APBA2: variants seen among roughly 807,000 people sequenced by gnomAD.
APBA2 encodes the protein amyloid-beta A4 precursor protein-binding family A member 2.
Under a neutral mutation model 75.0 loss-of-function variants are expected in APBA2, and 30 were observed. The ratio of observed to expected loss-of-function variants is 0.40; its 90% CI spans 0.30 to 0.54. The LOEUF (loss-of-function observed/expected upper bound fraction) is 0.54, where lower values mean the gene tolerates loss of function less well. APBA2 is among the 20% of genes least tolerant of loss of function. The pLI is 0.49. For synonymous variants in APBA2, 444 were observed against 409.6 expected, an observed-to-expected ratio of 1.08 and a Z score of -1.01; for missense variants, 801 against 1,016.1, an observed-to-expected ratio of 0.79 and a Z score of 2.88.
At chr15:28,997,808 C>T (rs191353227) in intron 3 of APBA2, among the ~76,000 whole-genome samples, 22 of 152,276 alleles carry the variant, frequency 1.4e-4, no homozygotes, top group Middle Eastern at 3.4e-3. Context: ...TACTATTAGA[C>T]GATCAAAATC....
chr15:29,079,324 C>T (rs771870038), intron 6 of APBA2, among the ~76,000 whole-genome samples: 2 of 152,088 alleles, frequency 1.3e-5, no homozygotes, highest in Non-Finnish European at 2.9e-5. Flanking sequence ...GCAGTGTGGA[C>T]TCCCATCAGA....
intron 4 of APBA2, among the ~76,000 whole-genome samples, chr15:29,072,481 T>A (rs2042667303): frequency 1.3e-5 from 2 of 152,168 alleles, no homozygotes; most frequent in Non-Finnish European, 2.9e-5. Flanking sequence ...TGCTTGGTGT[T>A]CCTTGGCCAT....
chr15:29,113,732 CTCTG>C lies in APBA2; in HGVS notation c.2038-138_2038-135del, dbSNP rs542246028. The C allele has an allele frequency of 9.1e-4, 929 of 1,018,566 alleles. 10 individuals are homozygous for C. The African/African-American group carries it at 0.013, about 14-fold the overall frequency. The allele number at this position is 1,018,566 out of a possible 1,614,324, so 63.1% of individuals were successfully genotyped here. ...GAAACATACTGCATATCATAAGGATCTCTGTCTGTGAGTCAGCGAATTGCACGTG... is the reference window on the plus strand; with the variant it reads ...GAAACATACTGCATATCATAAGGATCTCTGTGAGTCAGCGAATTGCACGTG... On this transcript the variant is annotated intron_variant, in intron 13 of 14. Transcript: ENST00000683413.
intron 3 of APBA2, among the ~76,000 whole-genome samples, chr15:29,017,019 GA>G (rs2039695450): frequency 6.6e-6 from 1 of 152,176 alleles, no homozygotes; most frequent in Admixed American, 6.5e-5. Context: ...AGACAATAAT[GA>G]TGACAGGCAG....
chr15:29,054,238 G>A lies in APBA2; in HGVS notation c.354G>A (p.Gly118=), dbSNP rs775876729. The A allele has an allele frequency of 6.8e-6, 11 of 1,614,044 alleles. No homozygotes were observed. The Admixed American group carries it at 1.0e-4, about 15-fold the overall frequency. ...DSYLEGMDCN[G]EEYLAHSAHP... is the part of the protein sequence containing the mutation. The stretch of plus-strand genomic sequence containing the variant: ...ACCTAGAGGGCATGGACTGCAACGG[G>A]GAGGAGTACCTGGCCCACAGTGCAC... Residue 118 remains glycine (G), a synonymous_variant, in exon 4 of 15, where the codon GGG becomes GGA. Coordinates refer to ENST00000683413, the MANE Select transcript of APBA2 (RefSeq NM_001353788.2). This position sits in a 1 kb window ranked among gnomAD's most constrained non-coding sequence, Gnocchi z 6.1.
chr15:29,065,407 A>G (rs2042338469), intron 4 of APBA2, among the ~76,000 whole-genome samples: 1 of 152,222 alleles, frequency 6.6e-6, no homozygotes, highest in South Asian at 2.1e-4. Context: ...GATGGCAGAC[A>G]TGGGAGTTTT....
intron 1 of APBA2, among the ~76,000 whole-genome samples, chr15:28,900,880 T>C (rs1246231203): frequency 6.6e-6 from 1 of 152,186 alleles, no homozygotes; most frequent in East Asian, 1.9e-4. Context: ...TTGTAAATTG[T>C]ATATTTACAA....
rs564188120 is a variant in APBA2 at position 29,096,323 on chromosome 15, A to C, written c.1251+2010A>C. Among the ~76,000 whole-genome samples, 16 of 152,206 alleles carry C rather than the reference A, an allele frequency of 1.1e-4. No individual in the cohort carries two copies. The East Asian group carries it at 2.9e-3, about 28-fold the overall frequency. ...CTGCCCTGTTACTGATGGGTTTTCC[A>C]CTGGAGGCTGGGTGGCTTCAGGCTG... is the stretch of plus-strand genomic sequence containing the variant. On this transcript the variant is annotated intron_variant, in intron 8 of 14. Transcript: ENST00000683413.
At chr15:28,946,499 C>T (rs770214447) in intron 2 of APBA2, among the ~76,000 whole-genome samples, 39 of 152,204 alleles carry the variant, frequency 2.6e-4, no homozygotes, top group South Asian at 6.2e-4. Flanking sequence ...CTAGAGCCTC[C>T]GTAAAGAACC....
intron 6 of APBA2, among the ~76,000 whole-genome samples, chr15:29,087,518 G>A (rs551734634): frequency 6.6e-6 from 1 of 152,296 alleles, no homozygotes; most frequent in East Asian, 1.9e-4. Flanking sequence ...CCCAGGTGTG[G>A]CCACTCCCTG....
chr15:28,930,212 T>C (rs1445127133), intron 2 of APBA2, among the ~76,000 whole-genome samples: 1 of 152,074 alleles, frequency 6.6e-6, no homozygotes, highest in Non-Finnish European at 1.5e-5. Flanking sequence ...CTGCTAGGGC[T>C]GTTTCCAGAA....
chr15:29,002,937 G>C (rs1042448455), intron 3 of APBA2, among the ~76,000 whole-genome samples: 1 of 152,172 alleles, frequency 6.6e-6, no homozygotes, highest in Non-Finnish European at 1.5e-5. Flanking sequence ...ATTTCTGCGA[G>C]AGAGGGGGAA....
Position 29,054,477 on chromosome 15 carries a change from C to T in APBA2, c.593C>T (p.Pro198Leu), listed in dbSNP as rs371099424. ...ASKEGYQDYY[P>L]EEANGNTGAS... is the part of the protein sequence containing the mutation. ...AAAGAGGGCTACCAGGACTACTACC[C>T]CGAGGAGGCCAACGGGAACACCGGC... The change falls in exon 4 of 15, where the codon CCC becomes CTC. Residue 198 changes from proline to leucine, a missense_variant. By Grantham distance (98) the Pro-to-Leu change is moderately conservative (BLOSUM62 -3). Around this residue, in one of 2 missense-constraint regions of APBA2, gnomAD observed 434 missense variants for 471.6 expected, o/e 0.92. Coordinates refer to ENST00000683413, the MANE Select transcript of APBA2 (RefSeq NM_001353788.2). This position sits in a 1 kb window ranked among gnomAD's most constrained non-coding sequence, Gnocchi z 6.1. The T allele has an allele frequency of 2.5e-6, 4 of 1,613,926 alleles. No homozygotes were observed. In the African/African-American group the frequency reaches 5.3e-5, roughly 22 times the overall value.
At chr15:29,106,884 G>A (rs1365474027) in intron 12 of APBA2, 65 bp downstream of exon 12, 1 of 1,485,262 alleles carries the variant, frequency 6.7e-7, no homozygotes. Context: ...TCCCCACTTT[G>A]CTGCAATCCC....
chr15:29,007,417 G>A (rs1271529178), intron 3 of APBA2, among the ~76,000 whole-genome samples: 2 of 152,204 alleles, frequency 1.3e-5, no homozygotes, highest in South Asian at 2.1e-4. Context: ...CTTCCTCAAA[G>A]GACACAGTCA....
intron 2 of APBA2, among the ~76,000 whole-genome samples, chr15:28,980,578 G>T (rs1431455313): frequency 6.6e-6 from 1 of 152,130 alleles, no homozygotes; most frequent in Non-Finnish European, 1.5e-5. Context: ...CTATCCTCAT[G>T]GATTGAAAGA....
At chr15:29,033,698 C>T (rs887422009) in intron 3 of APBA2, among the ~76,000 whole-genome samples, 34 of 152,108 alleles carry the variant, frequency 2.2e-4, no homozygotes, top group East Asian at 1.9e-4. Context: ...CGGTGGCTCA[C>T]GCCTGTAATT....
intron 3 of APBA2, among the ~76,000 whole-genome samples, chr15:29,047,906 G>C (rs1226667073): frequency 6.6e-6 from 1 of 152,090 alleles, no homozygotes; most frequent in African/African-American, 2.4e-5. Context: ...AACAGCCACA[G>C]AAATATTATA....
At chr15:29,076,177 C>A in intron 6 of APBA2, 86 bp downstream of exon 6, 3 of 1,420,038 alleles carry the variant, frequency 2.1e-6, no homozygotes, top group Admixed American at 1.7e-5. Context: ...CATTCACCTG[C>A]AAAGCTTGTT....
Sources: gnomAD v4.1 joint callset for allele counts (sites outside exome capture counted in the v4.1 genomes callset) on GRCh38, gnomAD v4.1.1 for gene constraint, gnomAD v4.1.1 regional missense constraint, Gnocchi (gnomAD v3.1) non-coding constraint, MANE v1.5 for transcripts, NCBI Gene and HGNC (gene_info 2026-07-23, HGNC 2026-07-21) for gene names.